The following KLHL29 variants were observed in gnomAD, a reference collection of about 807,000 sequenced individuals.
KLHL29 encodes the protein kelch like family member 29.
Under a neutral mutation model 80.4 loss-of-function variants are expected in KLHL29, and 21 were observed. That is an observed-to-expected ratio of 0.26 (90% CI 0.19 to 0.38). The LOEUF (loss-of-function observed/expected upper bound fraction) is 0.38. Among genes scored for constraint, KLHL29 ranks in the 10% least tolerant of loss-of-function variants. The pLI, the probability that KLHL29 is intolerant of heterozygous loss-of-function variation, is 1.00. For missense variants in KLHL29, 867 were observed against 1,223.9 expected (o/e 0.71, Z 4.35); for synonymous variants, 511 against 526.8 (o/e 0.97, Z 0.41).
intron 5 of KLHL29, among the ~76,000 whole-genome samples, chr2:23,670,510 C>T (rs150390674): frequency 7.2e-5 from 11 of 152,134 alleles, no homozygotes; most frequent in Non-Finnish European, 1.5e-4. Context: ...TTGCATGGTC[C>T]CCCCAACCCC....
At chr2:23,522,815 G>A (rs571078641) in intron 2 of KLHL29, among the ~76,000 whole-genome samples, 1 of 152,360 alleles carries the variant, frequency 6.6e-6, no homozygotes, top group African/African-American at 2.4e-5. Flanking sequence ...AGGCCAGGCT[G>A]TTGGACGTGC....
rs1272741242 is a variant in KLHL29, at chr2:23,562,152, G to A, written c.-45G>A. 6.5e-7 allele frequency: 1 copy of A among 1,547,802 alleles called. No individual in the cohort carries two copies. The highest frequency in any genetic ancestry group is 1.4e-5 in the African/African-American group (1 of 73,030). On this transcript the variant is annotated splice_region_variant and 5_prime_UTR_variant, in exon 3 of 14. Transcript: ENST00000486442. The surrounding 1 kb of genome is among the most constrained non-coding windows in gnomAD (Gnocchi z 4.5). Reference sequence around the variant, plus strand: ...CCTTCTCTCCACCCTGTCACCACAGGTCCGGGCTCTGTTTCCCTGTGAGAA... The same window carrying A: ...CCTTCTCTCCACCCTGTCACCACAGATCCGGGCTCTGTTTCCCTGTGAGAA...
rs927964663 is a variant in KLHL29, at chr2:23,596,311, G to C, written c.285+33830G>C. Among the ~76,000 whole-genome samples, 14 of 152,160 alleles carry C rather than the reference G, an allele frequency of 9.2e-5. No homozygotes were observed. The highest frequency in any genetic ancestry group is 3.1e-4 in the African/African-American group (13 of 41,440). On this transcript the variant is annotated intron_variant, in intron 3 of 13. Transcript: ENST00000486442. The surrounding 1 kb of genome is among the most constrained non-coding windows in gnomAD (Gnocchi z 4.4). ...ATTTAAATCATGCCCACCTCATTTT[G>C]CAAGGGTTTTCTTGAGTTCTCCTCC...
intron 2 of KLHL29, among the ~76,000 whole-genome samples, chr2:23,488,379 C>T (rs910607788): frequency 1.3e-5 from 2 of 152,226 alleles, no homozygotes; most frequent in African/African-American, 2.4e-5. Context: ...CCCCGTCTCC[C>T]GCTCAGTCTC....
At chr2:23,428,651 G>A (rs1663072737) in intron 1 of KLHL29, among the ~76,000 whole-genome samples, 1 of 152,154 alleles carries the variant, frequency 6.6e-6, no homozygotes, top group South Asian at 2.1e-4. Context: ...GATACTCAGG[G>A]TTTCAGTGGC....
intron 2 of KLHL29, among the ~76,000 whole-genome samples, chr2:23,494,883 C>T (rs1665212434): frequency 1.3e-5 from 2 of 152,200 alleles, no homozygotes; most frequent in Non-Finnish European, 2.9e-5. Flanking sequence ...TCACACTGGC[C>T]TTGCACTATT....
chr2:23,428,908 T>C (rs1663081451), intron 1 of KLHL29, among the ~76,000 whole-genome samples: 1 of 152,086 alleles, frequency 6.6e-6, no homozygotes, highest in African/African-American at 2.4e-5. Flanking sequence ...GGACAATATA[T>C]AGAAAGTTCT....
chr2:23,504,441 G>A (rs12992037), intron 2 of KLHL29, among the ~76,000 whole-genome samples: 21,300 of 152,144 alleles, frequency 0.14, 2,160 homozygotes, highest in East Asian at 0.56. Context: ...GGGGTCAGAG[G>A]CCTGGAGCTT....
intron 3 of KLHL29, among the ~76,000 whole-genome samples, chr2:23,584,092 CTA>C (rs945397229): frequency 3.3e-5 from 5 of 152,184 alleles, no homozygotes; most frequent in Admixed American, 6.5e-5. Context: ...CTGGAGGAAA[CTA>C]TACCCAAATG....
chr2:23,404,591 T>C (rs1367319134), intron 1 of KLHL29, among the ~76,000 whole-genome samples: 2 of 152,190 alleles, frequency 1.3e-5, no homozygotes, highest in Non-Finnish European at 1.5e-5. Context: ...CATCAACTAC[T>C]GTAAAAACGA....
intron 3 of KLHL29, among the ~76,000 whole-genome samples, chr2:23,586,986 C>T (rs1044876753): frequency 2.6e-5 from 4 of 152,122 alleles, no homozygotes; most frequent in Non-Finnish European, 4.4e-5. Flanking sequence ...TGATGTGCTC[C>T]GTCTTATTGT....
At chr2:23,424,939 TTAAG>T (rs1200802771) in intron 1 of KLHL29, among the ~76,000 whole-genome samples, 6 of 152,224 alleles carry the variant, frequency 3.9e-5, no homozygotes, top group Non-Finnish European at 7.3e-5. Flanking sequence ...ATGCACATAA[TTAAG>T]TTTCAATTAT....
chr2:23,625,791 G>A (rs535086317), intron 3 of KLHL29, among the ~76,000 whole-genome samples: 2 of 152,344 alleles, frequency 1.3e-5, no homozygotes, highest in South Asian at 2.1e-4. Context: ...GGGCCTTTGG[G>A]AGATAATTAG....
intron 5 of KLHL29, among the ~76,000 whole-genome samples, chr2:23,659,236 G>A (rs372677232): frequency 6.6e-6 from 1 of 152,316 alleles, no homozygotes; most frequent in South Asian, 2.1e-4. Flanking sequence ...TGAGCAACCC[G>A]TCCGCAGCGG....
chr2:23,587,842 C>T (rs1306001860), intron 3 of KLHL29, among the ~76,000 whole-genome samples: 1 of 152,146 alleles, frequency 6.6e-6, no homozygotes, highest in Non-Finnish European at 1.5e-5. Context: ...CTTGCTCCTC[C>T]AAGAATCCTG....
chr2:23,394,317 T>C (rs1366581345), intron 1 of KLHL29, among the ~76,000 whole-genome samples: 6 of 152,364 alleles, frequency 3.9e-5, no homozygotes, highest in Non-Finnish European at 7.3e-5. Context: ...ATTCAGCTCC[T>C]GGAGCTTCTA....
chr2:23,693,623 C>T, intron 8 of KLHL29, 95 bp downstream of exon 8: 12 of 1,283,132 alleles, frequency 9.4e-6, no homozygotes, highest in Non-Finnish European at 1.3e-5. Context: ...GTGAACCTTC[C>T]TTGTCCTGCT....
At chr2:23,630,795 G>A (rs1669448338) in intron 3 of KLHL29, among the ~76,000 whole-genome samples, 1 of 152,146 alleles carries the variant, frequency 6.6e-6, no homozygotes, top group Non-Finnish European at 1.5e-5. Context: ...GCTGCCCTGA[G>A]TACTTTTGAA....
intron 2 of KLHL29, among the ~76,000 whole-genome samples, chr2:23,561,059 G>A (rs1464855041): frequency 1.3e-5 from 2 of 152,332 alleles, no homozygotes; most frequent in Admixed American, 1.3e-4. Flanking sequence ...GAATGGAAAA[G>A]GCCAAAGGCA....
Sources: allele counts gnomAD v4.1 joint callset (sites outside exome capture counted in the v4.1 genomes callset), GRCh38; gene constraint gnomAD v4.1.1; non-coding constraint Gnocchi (gnomAD v3.1); transcripts MANE v1.5; gene names NCBI Gene and HGNC (gene_info 2026-07-23, HGNC 2026-07-21).